The following SPOCK3 variants were observed in gnomAD, a reference collection of about 807,000 sequenced individuals.
SPOCK3 encodes the protein testican-3.
SPOCK3 carries 30 observed loss-of-function variants against 56.6 expected under a neutral mutation model. That is an observed-to-expected ratio of 0.53 (90% confidence interval 0.40 to 0.72). SPOCK3 has a LOEUF of 0.72. Ranked by LOEUF, SPOCK3 falls within the 30% of genes least tolerant of loss-of-function variation. The probability of loss-of-function intolerance (pLI) is 0.00; values close to 1 mark genes in which losing one functional copy is unlikely to be tolerated. For missense variants in SPOCK3, 527 were observed against 530.0 expected, an observed-to-expected ratio of 0.99 and a Z score of 0.06; for synonymous variants, 196 against 183.3, an observed-to-expected ratio of 1.07 and a Z score of -0.56.
At chr4:166,925,551 C>G (rs141913522) in intron 4 of SPOCK3, among the ~76,000 whole-genome samples, 1 of 151,920 alleles carries the variant, frequency 6.6e-6, no homozygotes, top group African/African-American at 2.4e-5. Flanking sequence ...ATATTTGAAG[C>G]AATCTAGACA....
chr4:166,744,866 C>G (rs1735367608), intron 8 of SPOCK3, among the ~76,000 whole-genome samples: 1 of 151,728 alleles, frequency 6.6e-6, no homozygotes, highest in South Asian at 2.1e-4. Context: ...CCGATTCGAT[C>G]AAGTGGAAGA....
At chr4:166,850,590 G>A (rs996967437) in intron 6 of SPOCK3, among the ~76,000 whole-genome samples, 2 of 152,202 alleles carry the variant, frequency 1.3e-5, no homozygotes, top group African/African-American at 2.4e-5. Context: ...CAGACAGCGG[G>A]GGCAGGTCAC....
chr4:166,943,779 T>C (rs12644678), intron 4 of SPOCK3, among the ~76,000 whole-genome samples: 55,738 of 152,088 alleles, frequency 0.37, 11,517 homozygotes, highest in East Asian at 0.65. Context: ...TTTAGTTAGA[T>C]GTAACTCTTC....
chr4:166,985,834 A>T (rs141665400), intron 4 of SPOCK3, among the ~76,000 whole-genome samples: 2 of 152,300 alleles, frequency 1.3e-5, no homozygotes, highest in African/African-American at 4.8e-5. Context: ...AGAAAATTGC[A>T]ATCATACAAA....
chr4:167,152,586 G>A (rs1764514075), intron 2 of SPOCK3, among the ~76,000 whole-genome samples: 1 of 152,032 alleles, frequency 6.6e-6, no homozygotes, highest in Non-Finnish European at 1.5e-5. Flanking sequence ...ATCTAAGCTT[G>A]GACTAAACTG....
intron 6 of SPOCK3, among the ~76,000 whole-genome samples, chr4:166,867,229 G>A (rs1320916021): frequency 6.6e-6 from 1 of 151,780 alleles, no homozygotes; most frequent in Admixed American, 6.6e-5. Context: ...CTGACATTCT[G>A]GATGAATATC....
intron 2 of SPOCK3, among the ~76,000 whole-genome samples, chr4:167,109,488 A>T (rs1760695087): frequency 1.3e-5 from 1 of 76,696 alleles, no homozygotes. Context: ...TATATAAAAT[A>T]TATTTATATA....
intron 2 of SPOCK3, among the ~76,000 whole-genome samples, chr4:167,227,819 A>G (rs989797637): frequency 6.6e-6 from 1 of 152,266 alleles, no homozygotes; most frequent in Non-Finnish European, 1.5e-5. Context: ...CAATCATAAG[A>G]TCTAAAAGCA....
intron 2 of SPOCK3, among the ~76,000 whole-genome samples, chr4:167,151,213 T>C (rs1386383870): frequency 2.0e-5 from 3 of 152,222 alleles, no homozygotes; most frequent in South Asian, 4.1e-4. Context: ...TTTGGGGTGA[T>C]TGCAACGCGT....
At chr4:167,114,088 T>C (rs754527868) in intron 2 of SPOCK3, among the ~76,000 whole-genome samples, 4 of 152,142 alleles carry the variant, frequency 2.6e-5, no homozygotes, top group Non-Finnish European at 4.4e-5. Context: ...CACAGGTGAA[T>C]GTTCATGCTC....
intron 2 of SPOCK3, among the ~76,000 whole-genome samples, chr4:167,063,601 T>C (rs141629031): frequency 1.3e-5 from 2 of 152,036 alleles, no homozygotes; most frequent in East Asian, 3.9e-4. Flanking sequence ...TGGTGAAGTC[T>C]CAGCTTGTAG....
At chr4:167,224,955 A>G (rs181458750) in intron 2 of SPOCK3, among the ~76,000 whole-genome samples, 95 of 152,258 alleles carry the variant, frequency 6.2e-4, no homozygotes, top group African/African-American at 2.2e-3. Context: ...ATGAGCCACC[A>G]CACCCATCCA....
intron 7 of SPOCK3, among the ~76,000 whole-genome samples, chr4:166,755,680 G>A (rs1403231049): frequency 2.0e-5 from 3 of 152,054 alleles, no homozygotes; most frequent in Non-Finnish European, 2.9e-5. Context: ...GGGGACTTAT[G>A]AAAACAGTAT....
intron 4 of SPOCK3, among the ~76,000 whole-genome samples, chr4:166,923,511 G>A (rs1419934843): frequency 6.6e-6 from 1 of 152,184 alleles, no homozygotes; most frequent in African/African-American, 2.4e-5. Flanking sequence ...AGTTTGGAGA[G>A]ATGTCATAAT....
chr4:167,172,461 C>A (rs1325908692), intron 2 of SPOCK3, among the ~76,000 whole-genome samples: 4 of 152,116 alleles, frequency 2.6e-5, no homozygotes, highest in Admixed American at 6.5e-5. Context: ...TATAAACTGA[C>A]AACCAACCAT....
At chr4:167,101,988 G>A (rs529265799) in intron 2 of SPOCK3, among the ~76,000 whole-genome samples, 6 of 151,906 alleles carry the variant, frequency 3.9e-5, no homozygotes, top group Non-Finnish European at 7.4e-5. Flanking sequence ...ATGAGCCACT[G>A]CACCTGGCCC....
At chr4:166,914,510 C>T (rs929367226) in intron 4 of SPOCK3, among the ~76,000 whole-genome samples, 2 of 152,110 alleles carry the variant, frequency 1.3e-5, no homozygotes, top group Non-Finnish European at 2.9e-5. Flanking sequence ...TTGGCTCACG[C>T]CTGTAATCCC....
At chr4:166,822,130 C>T (rs1359609940) in intron 6 of SPOCK3, among the ~76,000 whole-genome samples, 1 of 151,924 alleles carries the variant, frequency 6.6e-6, no homozygotes, top group Non-Finnish European at 1.5e-5. Context: ...TATATAATCA[C>T]ACTAATCATA....
chr4:166,852,786 T>C (rs1579428982), intron 6 of SPOCK3, among the ~76,000 whole-genome samples: 1 of 152,288 alleles, frequency 6.6e-6, no homozygotes, highest in Non-Finnish European at 1.5e-5. Context: ...GCAGAGGTTT[T>C]AAAGGAAAGA....
Sources: gnomAD v4.1 joint callset for allele counts (sites outside exome capture counted in the v4.1 genomes callset) on GRCh38, gnomAD v4.1.1 for gene constraint, MANE v1.5 for transcripts, NCBI Gene and HGNC (gene_info 2026-07-23, HGNC 2026-07-21) for gene names.